The following RPGRIP1 variants were observed in gnomAD, a reference collection of about 807,000 sequenced individuals.
RPGRIP1 encodes X-linked retinitis pigmentosa GTPase regulator-interacting protein 1.
In RPGRIP1, 128 loss-of-function variants were observed where a neutral mutation model predicts 157.9. That is an observed-to-expected ratio of 0.81 (90% CI 0.70 to 0.94). RPGRIP1 has a LOEUF of 0.94. RPGRIP1 is among the 40% of genes least tolerant of loss of function. The pLI is 0.00. For synonymous variants in RPGRIP1, 554 were observed against 571.6 expected, an observed-to-expected ratio of 0.97 and a Z score of 0.44; for missense variants, 1,486 against 1,545.8, an observed-to-expected ratio of 0.96 and a Z score of 0.65.
chr14:21,322,152 G>GT lies in RPGRIP1; in HGVS notation c.1762+157dup, dbSNP rs202225073. On this transcript the variant is annotated intron_variant, in intron 14 of 24. Coordinates refer to ENST00000400017, the MANE Select transcript of RPGRIP1 (RefSeq NM_020366.4). ...TGTTCTTTATCCTATCATTTTTGTT[G>GT]TTTTTTTTTGCTTGTTTGCTTTTGA... 4.4e-3 allele frequency: 2,670 copies of GT among 609,962 alleles called. 11 individuals are homozygous for GT. Among genetic ancestry groups the GT allele is most frequent in the African/African-American group, 0.017 (873 of 51,934 alleles). 37.8% of individuals were successfully genotyped at this position (609,962 alleles called of 1,614,324 possible).
intron 3 of RPGRIP1, among the ~76,000 whole-genome samples, chr14:21,299,801 C>T (rs1330010404): frequency 7.9e-5 from 12 of 152,178 alleles, no homozygotes; most frequent in Non-Finnish European, 1.6e-4. Flanking sequence ...AAACAACAGA[C>T]ATTGGTTTTC....
At position 21,307,783 on chromosome 14, in the gene RPGRIP1, G is replaced by T; in HGVS notation, c.853G>T (p.Glu285Ter). ...GATTCGACTTAAGAAGCTCTTACAT[G>T]AAAGAAATGCTTCATTGGTTATGAC... ...ELIRLKKLLHERNASLVMTKA... is the reference protein window; with the variant it reads ...ELIRLKKLLH The change falls in exon 7 of 25, where the codon GAA becomes TAA. Residue 285 changes from glutamate to a stop codon, truncating the protein, a stop_gained. Coordinates refer to ENST00000400017, the MANE Select transcript of RPGRIP1 (RefSeq NM_020366.4). LOFTEE classifies it high-confidence loss of function. 6.4e-7 allele frequency: 1 copy of T among 1,570,166 alleles called. No homozygotes were observed. The highest frequency in any genetic ancestry group is 8.6e-7 in the Non-Finnish European group (1 of 1,157,404).
At chr14:21,341,283 G>A (rs746480401) in intron 21 of RPGRIP1, among the ~76,000 whole-genome samples, 5 of 151,954 alleles carry the variant, frequency 3.3e-5, no homozygotes, top group Admixed American at 2.6e-4. Context: ...TGCCCGCCTC[G>A]GCCTCCCAAA....
chr14:21,330,650 C>T lies in RPGRIP1; in HGVS notation c.3238+263C>T, dbSNP rs761202794. Among the ~76,000 whole-genome samples the T allele has an allele frequency of 3.3e-5, 5 of 152,160 alleles. No homozygotes were observed. In the East Asian group the frequency reaches 7.7e-4, roughly 24 times the overall value. ...CACTGCACTCCTCCAGCCTGGGCGA[C>T]AGAGCGAGACTCCATCTCAAAAAAA... On this transcript the variant is annotated intron_variant, in intron 20 of 24. Transcript: ENST00000400017.
chr14:21,347,467 A>G lies in RPGRIP1; in HGVS notation c.3618-705A>G, dbSNP rs1885683503. Among the ~76,000 whole-genome samples, 7 of 152,350 alleles carry G rather than the reference A, an allele frequency of 4.6e-5. No homozygotes were observed. The South Asian group carries it at 1.4e-3, about 32-fold the overall frequency. On this transcript the variant is annotated intron_variant, in intron 23 of 24. Coordinates refer to ENST00000400017, the MANE Select transcript of RPGRIP1 (RefSeq NM_020366.4). The stretch of plus-strand genomic sequence containing the variant: ...GACATAGAAACATAGTTACAAATGA[A>G]TATTGCCTAATGGGCTGAGAATGGA...
At chr14:21,339,291 C>A (rs1243375087) in intron 21 of RPGRIP1, among the ~76,000 whole-genome samples, 1 of 151,670 alleles carries the variant, frequency 6.6e-6, no homozygotes, top group Non-Finnish European at 1.5e-5. Flanking sequence ...ACTAAAAATA[C>A]AAAAATTAGC....
rs1885927936 is a variant in RPGRIP1 at position 21,349,396 on chromosome 14, TTTC to T, written c.3748+1097_3748+1099del. On this transcript the variant is annotated intron_variant, in intron 24 of 24. Transcript: ENST00000400017. ...CCTTAAATATAATTACTATAATTTC[TTTC>T]TTTTTTTTTTTTTTTTTTGAGATGG... Among the ~76,000 whole-genome samples the T allele has an allele frequency of 7.9e-5, 8 of 100,692 alleles. No individual in the cohort carries two copies. The South Asian group carries it at 2.4e-3, about 30-fold the overall frequency. 66.1% of individuals were successfully genotyped at this position (100,692 alleles called of 152,430 possible).
intron 9 of RPGRIP1, 118 bp from the exon 10 acceptor site, chr14:21,312,315 C>T: frequency 6.0e-6 from 4 of 661,940 alleles, no homozygotes; most frequent in Non-Finnish European, 1.0e-5. Flanking sequence ...GCTTCTCAGA[C>T]ACTGGAGATG....
At chr14:21,287,078 A>G in intron 1 of RPGRIP1, among the ~76,000 whole-genome samples, 1 of 151,762 alleles carries the variant, frequency 6.6e-6, no homozygotes, top group East Asian at 1.9e-4. Context: ...GAAAGAAAAG[A>G]AAAAGAAGAA....
intron 11 of RPGRIP1, among the ~76,000 whole-genome samples, chr14:21,318,971 T>C (rs950650403): frequency 9.2e-5 from 14 of 152,198 alleles, no homozygotes; most frequent in African/African-American, 3.4e-4. Context: ...TTTTAAATAC[T>C]GTCAAAAAGA....
At chr14:21,340,621 C>A (rs1050317238) in intron 21 of RPGRIP1, among the ~76,000 whole-genome samples, 1 of 152,230 alleles carries the variant, frequency 6.6e-6, no homozygotes, top group South Asian at 2.1e-4. Context: ...CACCGTTGCA[C>A]TCCAGCCTGG....
At chr14:21,322,864 A>G (rs939586762) in intron 14 of RPGRIP1, among the ~76,000 whole-genome samples, 1 of 152,266 alleles carries the variant, frequency 6.6e-6, no homozygotes, top group Non-Finnish European at 1.5e-5. Context: ...GGTGCCTCCT[A>G]TACTTAGTGT....
chr14:21,305,069 T>C (rs1881243075), intron 6 of RPGRIP1, among the ~76,000 whole-genome samples: 1 of 152,260 alleles, frequency 6.6e-6, no homozygotes, highest in Admixed American at 6.5e-5. Flanking sequence ...CCCAAAGTGC[T>C]GGGATTACAG....
At chr14:21,344,592 A>G (rs1885370741) in intron 22 of RPGRIP1, among the ~76,000 whole-genome samples, 1 of 152,244 alleles carries the variant, frequency 6.6e-6, no homozygotes. Context: ...AAAGTCGTGC[A>G]TGAAATCTTT....
chr14:21,317,056 G>T (rs1465761908), intron 10 of RPGRIP1, among the ~76,000 whole-genome samples: 1 of 151,732 alleles, frequency 6.6e-6, no homozygotes, highest in Admixed American at 6.6e-5. Context: ...GGAGGCAGAG[G>T]TTGCAGTGAG....
At chr14:21,319,982 A>G in intron 11 of RPGRIP1, 35 bp from the exon 12 acceptor site, 1 of 1,576,562 alleles carries the variant, frequency 6.3e-7, no homozygotes, top group Non-Finnish European at 8.6e-7. Flanking sequence ...ATAAATAACT[A>G]CAGAATTTCA....
At chr14:21,288,971 A>G (rs1274005335) in intron 2 of RPGRIP1, among the ~76,000 whole-genome samples, 1 of 152,196 alleles carries the variant, frequency 6.6e-6, no homozygotes, top group Non-Finnish European at 1.5e-5. Flanking sequence ...GTCACTAAGC[A>G]GAAGTGTTCA....
chr14:21,295,139 C>A (rs557889188), intron 3 of RPGRIP1, among the ~76,000 whole-genome samples: 2 of 151,864 alleles, frequency 1.3e-5, no homozygotes, highest in Non-Finnish European at 2.9e-5. Context: ...CCACTCTGCC[C>A]GGCCCAAAAA....
Position 21,309,489 on chromosome 14 carries a change from C to G in RPGRIP1, c.907-1095C>G, listed in dbSNP as rs193274351. Among the ~76,000 whole-genome samples, 17 of 152,112 alleles carry G rather than the reference C, an allele frequency of 1.1e-4. No individual in the cohort carries two copies. In the East Asian group the frequency reaches 3.3e-3, roughly 29 times the overall value. On this transcript the variant is annotated intron_variant, in intron 7 of 24. Transcript: ENST00000400017. ...GAGCCGAGATCCCGATACGGCACCT[C>G]AGCGTGAGACTTTGTCTCAAAAAAA...
Sources: allele counts gnomAD v4.1 joint callset (sites outside exome capture counted in the v4.1 genomes callset), GRCh38; gene constraint gnomAD v4.1.1; transcripts MANE v1.5; gene names NCBI Gene and HGNC (gene_info 2026-07-23, HGNC 2026-07-21).